LRRC8B: variants seen among roughly 807,000 people sequenced by gnomAD.
LRRC8B encodes the protein volume-regulated anion channel subunit LRRC8B.
Under a neutral mutation model 58.8 loss-of-function variants are expected in LRRC8B, and 23 were observed. That is an observed-to-expected ratio of 0.39 (90% confidence interval 0.28 to 0.55). The LOEUF (loss-of-function observed/expected upper bound fraction) is 0.55, where lower values mean the gene tolerates loss of function less well. LRRC8B is among the 20% of genes least tolerant of loss of function. The pLI, the probability that LRRC8B is intolerant of heterozygous loss-of-function variation, is 0.62. For missense variants in LRRC8B, 694 were observed against 936.0 expected (o/e 0.74, Z 3.37); for synonymous variants, 359 against 374.1 (o/e 0.96, Z 0.47).
At chr1:89,572,051 AG>A (rs1408331692) in intron 3 of LRRC8B, among the ~76,000 whole-genome samples, 1 of 152,136 alleles carries the variant, frequency 6.6e-6, no homozygotes, top group Non-Finnish European at 1.5e-5. Context: ...AGTCTCTTTA[AG>A]GTCTCTAAGA....
intron 3 of LRRC8B, among the ~76,000 whole-genome samples, chr1:89,570,948 C>A (rs879641734): frequency 2.6e-5 from 4 of 152,074 alleles, no homozygotes; most frequent in Admixed American, 2.0e-4. Context: ...GCCAGTTATC[C>A]GAGCACCATT....
At chr1:89,554,898 G>C (rs972150460) in intron 1 of LRRC8B, among the ~76,000 whole-genome samples, 1 of 152,166 alleles carries the variant, frequency 6.6e-6, no homozygotes. Flanking sequence ...TTCATCTGCT[G>C]TGTATAAAGG....
chr1:89,537,499 G>A (rs564345080), intron 1 of LRRC8B, among the ~76,000 whole-genome samples: 6 of 152,254 alleles, frequency 3.9e-5, no homozygotes, highest in Admixed American at 2.0e-4. Flanking sequence ...TTGAGACAGC[G>A]TTTTGCTCTG....
intron 1 of LRRC8B, among the ~76,000 whole-genome samples, chr1:89,560,691 C>T (rs1001760639): frequency 3.3e-5 from 5 of 149,700 alleles, no homozygotes; most frequent in Non-Finnish European, 6.0e-5. Context: ...CCAATTTCAT[C>T]CATGTCCCTA....
In LRRC8B at chr1:89,596,087, GATTAA is replaced by G. The variant is rs1655287421; in HGVS notation, c.*3050_*3054del. 6.6e-6 allele frequency: 1 copy of G among 151,998 alleles called. No homozygotes were observed. The highest frequency in any genetic ancestry group is 2.4e-5 in the African/African-American group (1 of 41,466). The allele number at this position is 151,998 out of a possible 1,614,324, so 9.4% of individuals were successfully genotyped here. On this transcript the variant is annotated 3_prime_UTR_variant, in exon 6 of 6. Transcript: ENST00000330947. The stretch of plus-strand genomic sequence containing the variant: ...TTTTTCAAAATTGCAGGAGGTTGTA[GATTAA>G]ATTAAGTATGATAGCACGTTTTTTA...
chr1:89,546,068 AT>A (rs932554718), intron 1 of LRRC8B, among the ~76,000 whole-genome samples: 32 of 151,996 alleles, frequency 2.1e-4, no homozygotes, highest in African/African-American at 7.3e-4. Context: ...CATAGTAAGA[AT>A]TTTTTTTAAT....
intron 1 of LRRC8B, among the ~76,000 whole-genome samples, chr1:89,547,023 TACTC>T (rs1247434057): frequency 6.6e-6 from 1 of 152,216 alleles, no homozygotes; most frequent in Non-Finnish European, 1.5e-5. Context: ...GTAAAATAAA[TACTC>T]AAAACTCTCA....
chr1:89,539,473 G>C (rs773940034), intron 1 of LRRC8B, among the ~76,000 whole-genome samples: 1 of 152,168 alleles, frequency 6.6e-6, no homozygotes, highest in Non-Finnish European at 1.5e-5. Context: ...GGGGTATAGG[G>C]ACTGGGGTTA....
chr1:89,525,399 C>T (rs1252563527), intron 1 of LRRC8B, among the ~76,000 whole-genome samples: 1 of 152,232 alleles, frequency 6.6e-6, no homozygotes, highest in Admixed American at 6.5e-5. Context: ...TTCCGCTTTC[C>T]CAGGCTGGCG....
intron 4 of LRRC8B, 140 bp from the exon 5 acceptor site, chr1:89,582,485 C>T (rs1362428227): frequency 5.0e-6 from 3 of 604,928 alleles, no homozygotes; most frequent in Non-Finnish European, 8.7e-6. Context: ...CTTATGTGCC[C>T]CTTAATCAGC....
intron 1 of LRRC8B, among the ~76,000 whole-genome samples, chr1:89,540,379 A>T (rs1650867726): frequency 6.6e-6 from 1 of 152,078 alleles, no homozygotes; most frequent in African/African-American, 2.4e-5. Flanking sequence ...TTTTCTTTTT[A>T]CTTGACGAGC....
At chr1:89,577,806 G>A (rs1200387287) in intron 3 of LRRC8B, among the ~76,000 whole-genome samples, 2 of 150,968 alleles carry the variant, frequency 1.3e-5, no homozygotes, top group East Asian at 1.9e-4. Flanking sequence ...AACTACATTT[G>A]CATCCTTATT....
chr1:89,580,392 G>A (rs1244638121), intron 4 of LRRC8B, among the ~76,000 whole-genome samples: 1 of 152,160 alleles, frequency 6.6e-6, no homozygotes, highest in Non-Finnish European at 1.5e-5. Flanking sequence ...GTTATAATCA[G>A]TATTTCAGCG....
At position 89,583,767 on chromosome 1, in the gene LRRC8B, G is replaced by T; in HGVS notation, c.1117G>T (p.Ala373Ser). 1 of 1,614,126 alleles carries T rather than the reference G, an allele frequency of 6.2e-7. No individual in the cohort carries two copies. The highest frequency in any genetic ancestry group is 8.5e-7 in the Non-Finnish European group (1 of 1,180,026). ...KNDFAFILHLADQYDPLYSKR... is the reference protein window; with the variant it reads ...KNDFAFILHLSDQYDPLYSKR... ...TGACTTTGCCTTCATCCTTCATCTG[G>T]CTGATCAGTATGATCCTCTTTATTC... is the stretch of plus-strand genomic sequence containing the variant. Residue 373 changes from alanine (A) to serine (S), a missense_variant, in exon 5 of 6, where the codon GCT becomes TCT. Coordinates refer to ENST00000330947, the MANE Select transcript of LRRC8B (RefSeq NM_001369817.2). This position sits in a 1 kb window ranked among gnomAD's most constrained non-coding sequence, Gnocchi z 5.2.
chr1:89,585,027 A>C (rs1654526579), intron 5 of LRRC8B, among the ~76,000 whole-genome samples: 1 of 152,262 alleles, frequency 6.6e-6, no homozygotes, highest in African/African-American at 2.4e-5. Context: ...ATAGTTGCTC[A>C]GCAAATGTTT....
chr1:89,526,419 TG>T (rs1017798844), intron 1 of LRRC8B, among the ~76,000 whole-genome samples: 3 of 152,180 alleles, frequency 2.0e-5, no homozygotes, highest in African/African-American at 7.2e-5. Context: ...TTCACCATGT[TG>T]GCCAGGCTGG....
intron 1 of LRRC8B, among the ~76,000 whole-genome samples, chr1:89,547,403 G>A (rs1456470898): frequency 6.6e-6 from 1 of 152,292 alleles, no homozygotes; most frequent in South Asian, 2.1e-4. Context: ...ATGAGGGTGA[G>A]TATTGTGGTG....
intron 1 of LRRC8B, among the ~76,000 whole-genome samples, chr1:89,543,696 A>G (rs941916907): frequency 6.6e-6 from 1 of 151,034 alleles, no homozygotes; most frequent in African/African-American, 2.4e-5. Context: ...AGATTTTGCC[A>G]CATTGGTCAG....
chr1:89,584,768 C>T lies in LRRC8B; in HGVS notation c.2118C>T (p.Tyr706=). Reference sequence around the variant, plus strand: ...TCCAGTATCTGAGTAATTTGCAGTACTTTGCTGTGACCAACAACAATGTAA... The same window carrying T: ...TCCAGTATCTGAGTAATTTGCAGTATTTTGCTGTGACCAACAACAATGTAA... The part of the protein sequence containing the change: ...EEIQYLSNLQ[Y]FAVTNNNIEM... The change falls in exon 5 of 6, where the codon TAC becomes TAT. Residue 706 remains tyrosine (Y), a synonymous_variant. Coordinates refer to ENST00000330947, the MANE Select transcript of LRRC8B (RefSeq NM_001369817.2). The T allele has an allele frequency of 6.2e-7, 1 of 1,604,544 alleles. No homozygotes were observed. Among genetic ancestry groups the T allele is most frequent in the Non-Finnish European group, 8.5e-7 (1 of 1,175,644 alleles).
Sources: gnomAD v4.1 joint callset for allele counts (sites outside exome capture counted in the v4.1 genomes callset) on GRCh38, gnomAD v4.1.1 for gene constraint, Gnocchi (gnomAD v3.1) non-coding constraint, MANE v1.5 for transcripts, NCBI Gene and HGNC (gene_info 2026-07-23, HGNC 2026-07-21) for gene names.